The following DLGAP2 variants were observed in gnomAD, a reference collection of about 807,000 sequenced individuals.
DLGAP2 encodes disks large-associated protein 2.
In DLGAP2, 26 loss-of-function variants were observed where a neutral mutation model predicts 100.3. The ratio of observed to expected loss-of-function variants is 0.26; its 90% CI spans 0.19 to 0.36. The LOEUF is 0.36. Among genes scored for constraint, DLGAP2 ranks in the 10% least tolerant of loss-of-function variants. The pLI, the probability that DLGAP2 is intolerant of heterozygous loss-of-function variation, is 1.00. For missense variants in DLGAP2, 1,858 were observed against 1,453.2 expected (o/e 1.28, Z -4.53); for synonymous variants, 886 against 630.1 (o/e 1.41, Z -6.08).
intron 1 of DLGAP2, chr8:754,370 G>C (rs1405511765): frequency 6.6e-6 from 1 of 152,196 alleles, no homozygotes; most frequent in African/African-American, 2.4e-5. Flanking sequence ...AAAAATCCAG[G>C]ACTGACAGAA....
intron 3 of DLGAP2, among the ~76,000 whole-genome samples, chr8:1,464,578 T>A (rs1798568177): frequency 6.6e-6 from 1 of 152,198 alleles, no homozygotes; most frequent in Non-Finnish European, 1.5e-5. Context: ...ACGGCTCTCT[T>A]CCAGGACAGC....
chr8:1,425,641 A>C (rs1255648428), intron 3 of DLGAP2, among the ~76,000 whole-genome samples: 1 of 152,218 alleles, frequency 6.6e-6, no homozygotes, highest in Non-Finnish European at 1.5e-5. Flanking sequence ...CCACAAGCCT[A>C]GAGCTGTCAT....
intron 6 of DLGAP2, among the ~76,000 whole-genome samples, chr8:1,608,867 C>T (rs1179444035): frequency 6.6e-6 from 1 of 150,910 alleles, no homozygotes; most frequent in Non-Finnish European, 1.5e-5. Flanking sequence ...ATGAGCAAAG[C>T]CTCCAAGAAA....
chr8:1,279,625 TG>T (rs1393121971), intron 3 of DLGAP2, among the ~76,000 whole-genome samples: 7 of 152,202 alleles, frequency 4.6e-5, no homozygotes, highest in African/African-American at 1.4e-4. Context: ...ATGGCGTAGC[TG>T]GGTCTTCAGC....
intron 3 of DLGAP2, among the ~76,000 whole-genome samples, chr8:1,307,011 G>C (rs996953188): frequency 1.3e-5 from 2 of 151,866 alleles, no homozygotes; most frequent in Non-Finnish European, 2.9e-5. Flanking sequence ...AAAAGTACAA[G>C]CAACAAAAGA....
intron 3 of DLGAP2, among the ~76,000 whole-genome samples, chr8:1,260,954 G>T (rs901580251): frequency 2.7e-4 from 41 of 152,316 alleles, no homozygotes; most frequent in African/African-American, 9.4e-4. Context: ...CTTCCCCTGG[G>T]CACCTGCCTT....
intron 3 of DLGAP2, among the ~76,000 whole-genome samples, chr8:1,418,293 AAATT>A (rs1260453106): frequency 3.9e-5 from 6 of 152,242 alleles, no homozygotes; most frequent in Admixed American, 3.9e-4. Context: ...TATGGTCTAA[AAATT>A]AAACAGCTTC....
In DLGAP2 at chr8:1,105,558, C is replaced by T. The variant is rs76723844; in HGVS notation, c.74-153293C>T. Among the ~76,000 whole-genome samples, 1,140 of 149,754 alleles carry T rather than the reference C, an allele frequency of 7.6e-3. 15 individuals carry two copies. The highest frequency in any genetic ancestry group is 0.027 in the African/African-American group (1,087 of 40,992). On this transcript the variant is annotated intron_variant, in intron 2 of 14. Transcript: ENST00000637795. ...ACAAGGTAGGAGCTTCCTGCCGGTG[C>T]ACTATCTACTGAAGGGAGCCATTCT...
rs548564664 is a variant in DLGAP2, at chr8:1,646,884, C to A, written c.1810+13838C>A. 1.2e-4 allele frequency among the ~76,000 whole-genome samples: 18 copies of A among 152,302 alleles called. No homozygotes were observed. In the South Asian group the frequency reaches 3.3e-3, roughly 28 times the overall value. ...GAAAGCCAGCGTCGAAAACTTTTGT[C>A]CCTTCTTCTAATCAGCGTCTGTCAC... On this transcript the variant is annotated intron_variant, in intron 8 of 14. Transcript: ENST00000637795.
At position 1,626,799 on chromosome 8, in the gene DLGAP2, C is replaced by G. The variant is rs540100960; in HGVS notation, c.1502C>G (p.Ala501Gly). The G allele has an allele frequency of 3.7e-6, 6 of 1,603,732 alleles. No individual in the cohort carries two copies. In the African/African-American group the frequency reaches 8.0e-5, roughly 21 times the overall value. The change falls in exon 7 of 15, where the codon GCG becomes GGG. Residue 501 changes from alanine (A) to glycine (G), a missense_variant. By Grantham distance (60) the Ala-to-Gly change is moderately conservative. Coordinates refer to ENST00000637795, the MANE Select transcript of DLGAP2 (RefSeq NM_001346810.2). ...GTGGGACACAGCCTGGACCCCGCTG[C>G]GAACTACAACTCCCCGAAATTCCGC... ...VPVGHSLDPA[A>G]NYNSPKFRSR...
At chr8:1,666,890 G>A (rs1321575394) in intron 8 of DLGAP2, among the ~76,000 whole-genome samples, 1 of 152,160 alleles carries the variant, frequency 6.6e-6, no homozygotes, top group Admixed American at 6.5e-5. Context: ...GACACAGAAA[G>A]GATGTGTTTC....
At chr8:1,295,115 G>A (rs1191882416) in intron 3 of DLGAP2, among the ~76,000 whole-genome samples, 1 of 152,142 alleles carries the variant, frequency 6.6e-6, no homozygotes, top group Non-Finnish European at 1.5e-5. Context: ...TGTTGCAGTG[G>A]GGACTGTGGG....
At chr8:771,244 G>C (rs1264947355) in intron 1 of DLGAP2, among the ~76,000 whole-genome samples, 1 of 152,130 alleles carries the variant, frequency 6.6e-6, no homozygotes, top group Non-Finnish European at 1.5e-5. Flanking sequence ...TAAGAATTTT[G>C]TGCAAATGCT....
intron 2 of DLGAP2, among the ~76,000 whole-genome samples, chr8:1,239,114 TTAGTTCTCTCACATGGTGCCGTGTC>T (rs1798728451): frequency 6.5e-4 from 1 of 1,534 alleles, no homozygotes; most frequent in Admixed American, 3.7e-3. Flanking sequence ...GGCGCCATGT[TTAGTTCTCTCACATGGTGCCGTGTC>T]TAGTTCTCTC....
intron 2 of DLGAP2, among the ~76,000 whole-genome samples, chr8:1,238,499 C>T (rs1165818202): frequency 4.5e-5 from 6 of 133,048 alleles, no homozygotes; most frequent in South Asian, 2.9e-4. Context: ...TCTCACATGG[C>T]GCCGTGTCTA....
intron 2 of DLGAP2, among the ~76,000 whole-genome samples, chr8:1,124,660 T>A (rs141557580): frequency 6.6e-6 from 1 of 152,386 alleles, no homozygotes; most frequent in African/African-American, 2.4e-5. Flanking sequence ...GCATTTTAGC[T>A]AATCTGTGTT....
At chr8:1,546,643 G>T (rs1010088013) in intron 4 of DLGAP2, among the ~76,000 whole-genome samples, 2 of 152,142 alleles carry the variant, frequency 1.3e-5, no homozygotes, top group Non-Finnish European at 2.9e-5. Flanking sequence ...GGACACGATG[G>T]GAAAACTCTC....
At chr8:1,162,153 C>T (rs562317549) in intron 2 of DLGAP2, among the ~76,000 whole-genome samples, 17 of 152,314 alleles carry the variant, frequency 1.1e-4, no homozygotes, top group Middle Eastern at 3.4e-3. Context: ...GAAGCCCTCC[C>T]GGCAGCAGGG....
intron 3 of DLGAP2, among the ~76,000 whole-genome samples, chr8:1,458,147 C>G (rs574405144): frequency 6.6e-6 from 1 of 151,330 alleles, no homozygotes; most frequent in Non-Finnish European, 1.5e-5. Flanking sequence ...ACCTCGTGAT[C>G]CACCCGCCTC....
Sources: gnomAD v4.1 joint callset for allele counts (sites outside exome capture counted in the v4.1 genomes callset) on GRCh38, gnomAD v4.1.1 for gene constraint, MANE v1.5 for transcripts, NCBI Gene and HGNC (gene_info 2026-07-23, HGNC 2026-07-21) for gene names.